Variants in RPS6KA2 observed in about 807,000 individuals in gnomAD.
The protein encoded by RPS6KA2 is ribosomal protein S6 kinase A2, also known as ribosomal protein S6 kinase alpha-2.
Under a neutral mutation model 91.8 loss-of-function variants are expected in RPS6KA2, and 42 were observed. That is an observed-to-expected ratio of 0.46 (90% confidence interval 0.36 to 0.59). RPS6KA2 has a LOEUF of 0.59. Among genes scored for constraint, RPS6KA2 ranks in the 20% least tolerant of loss-of-function variants. The pLI, the probability that RPS6KA2 is intolerant of heterozygous loss-of-function variation, is 0.00. For synonymous variants in RPS6KA2, 414 were observed against 393.6 expected, an observed-to-expected ratio of 1.05 and a Z score of -0.61; for missense variants, 798 against 978.5, an observed-to-expected ratio of 0.82 and a Z score of 2.46.
intron 10 of RPS6KA2, among the ~76,000 whole-genome samples, chr6:166,480,501 AT>A (rs1562523874): frequency 5.1e-4 from 69 of 135,028 alleles, no homozygotes; most frequent in Middle Eastern, 3.7e-3. Context: ...ATATATATAT[AT>A]ATATATATAT....
chr6:166,845,818 A>G (rs1317780393), intron 2 of RPS6KA2, among the ~76,000 whole-genome samples: 2 of 152,152 alleles, frequency 1.3e-5, no homozygotes, highest in Non-Finnish European at 2.9e-5. Flanking sequence ...AGAAACAAGA[A>G]CAATCAAAAC....
intron 2 of RPS6KA2, among the ~76,000 whole-genome samples, chr6:166,731,456 T>A (rs1790515059): frequency 6.8e-6 from 1 of 146,490 alleles, no homozygotes; most frequent in African/African-American, 2.6e-5. Context: ...AGGAGGGGCG[T>A]GGTGGGGGCG....
intron 1 of RPS6KA2, among the ~76,000 whole-genome samples, chr6:166,558,731 G>A (rs942827846): frequency 6.6e-6 from 1 of 152,214 alleles, no homozygotes; most frequent in Non-Finnish European, 1.5e-5. Context: ...ACCGTGAGAA[G>A]TAGTGAGGGA....
At chr6:166,592,867 T>A (rs551374868) in intron 1 of RPS6KA2, among the ~76,000 whole-genome samples, 1 of 152,264 alleles carries the variant, frequency 6.6e-6, no homozygotes, top group East Asian at 1.9e-4. Context: ...TATGAATCAA[T>A]AACAAAAGGA....
At chr6:166,790,424 G>A (rs1216624750) in intron 2 of RPS6KA2, among the ~76,000 whole-genome samples, 9 of 152,180 alleles carry the variant, frequency 5.9e-5, no homozygotes, top group Non-Finnish European at 8.8e-5. Flanking sequence ...ATGGAACCAA[G>A]TTGGAAAACA....
chr6:166,524,936 G>T (rs1262261019), intron 3 of RPS6KA2, among the ~76,000 whole-genome samples: 1 of 152,154 alleles, frequency 6.6e-6, no homozygotes, highest in East Asian at 1.9e-4. Context: ...AGAGACACCG[G>T]CGGAGGTAGC....
At chr6:166,515,366 G>A (rs559264299) in intron 3 of RPS6KA2, among the ~76,000 whole-genome samples, 20 of 152,336 alleles carry the variant, frequency 1.3e-4, no homozygotes, top group Non-Finnish European at 2.4e-4. Context: ...TGTGGTGGGT[G>A]AGTGAAGTCA....
At chr6:166,465,349 C>T (rs1780478412) in intron 11 of RPS6KA2, 1 of 152,150 alleles carries the variant, frequency 6.6e-6, no homozygotes, top group Admixed American at 6.5e-5. Context: ...CATTTTAGCC[C>T]CTGCTTTCTG....
chr6:166,639,769 G>C lies in RPS6KA2; in HGVS notation c.124-100985C>G, dbSNP rs1257562712. ...CTCCTTCCAGCATCTTCCAGACCCA[G>C]CATTGCTCCAGGAAGCCACACCGAG... On this transcript the variant is annotated intron_variant, in intron 2 of 21. Transcript: ENST00000503859. This position sits in a 1 kb window ranked among gnomAD's most constrained non-coding sequence, Gnocchi z 4.2. Among the ~76,000 whole-genome samples, 6 of 151,884 alleles carry C rather than the reference G, an allele frequency of 4.0e-5. No individual in the cohort carries two copies. Among genetic ancestry groups the C allele is most frequent in the Admixed American group, 3.9e-4 (6 of 15,256 alleles).
At chr6:166,421,056 C>G (rs1172298802) in intron 17 of RPS6KA2, among the ~76,000 whole-genome samples, 1 of 152,176 alleles carries the variant, frequency 6.6e-6, no homozygotes, top group African/African-American at 2.4e-5. Flanking sequence ...TGGAGGGGAC[C>G]AGCCAGCGCA....
exon 1 of RPS6KA2, chr6:166,862,410 C>T (rs1470747429): frequency 1.5e-6 from 2 of 1,356,628 alleles, no homozygotes; most frequent in Non-Finnish European, 1.9e-6. Context: ...GGCGCCGTCC[C>T]CTCCCTGCCA....
chr6:166,494,715 G>A lies in RPS6KA2; in HGVS notation c.747+3793C>T, dbSNP rs576460854. Reference sequence around the variant, plus strand: ...CAGGGACACTGACTTCCTGCCCCTGGCACAGGCATCCTTCCTTCCAGGTCT... The same window carrying A: ...CAGGGACACTGACTTCCTGCCCCTGACACAGGCATCCTTCCTTCCAGGTCT... On this transcript the variant is annotated intron_variant, in intron 8 of 20. Coordinates refer to ENST00000265678, the MANE Select transcript of RPS6KA2 (RefSeq NM_021135.6). The surrounding 1 kb of genome is among the most constrained non-coding windows in gnomAD (Gnocchi z 5.1). Among the ~76,000 whole-genome samples the A allele has an allele frequency of 6.6e-6, 1 of 152,284 alleles. No individual in the cohort carries two copies. The highest frequency in any genetic ancestry group is 2.4e-5 in the African/African-American group (1 of 41,554).
intron 10 of RPS6KA2, among the ~76,000 whole-genome samples, chr6:166,485,687 C>T (rs983470257): frequency 4.6e-5 from 7 of 152,166 alleles, no homozygotes; most frequent in African/African-American, 9.7e-5. Flanking sequence ...TAAGAAACAC[C>T]GCCTCCCCCA....
intron 1 of RPS6KA2, among the ~76,000 whole-genome samples, chr6:166,579,907 T>A (rs994345027): frequency 3.3e-5 from 5 of 152,234 alleles, no homozygotes; most frequent in African/African-American, 7.2e-5. Flanking sequence ...CTAAATAATC[T>A]GAGGATAGTT....
chr6:166,774,843 C>T (rs894049387), intron 2 of RPS6KA2, among the ~76,000 whole-genome samples: 1 of 149,566 alleles, frequency 6.7e-6, no homozygotes, highest in Non-Finnish European at 1.5e-5. Flanking sequence ...TTTGAGAACG[C>T]TGGCATGTGT....
chr6:166,773,729 G>A (rs1420568128), intron 2 of RPS6KA2, among the ~76,000 whole-genome samples: 9 of 152,138 alleles, frequency 5.9e-5, no homozygotes, highest in Non-Finnish European at 1.2e-4. Context: ...TTCCTCGTCT[G>A]TCCATCCTGT....
rs185186719 is a variant in RPS6KA2 at position 166,587,096 on chromosome 6, T to G, written c.99+39825A>C. On this transcript the variant is annotated intron_variant, in intron 1 of 20. Transcript: ENST00000265678. ...GAAGCCTGGGTCCCCCAAATCCCCATGTGGAAGCAAAGTGGCCAGTCATCA... is the reference window on the plus strand; with the variant it reads ...GAAGCCTGGGTCCCCCAAATCCCCAGGTGGAAGCAAAGTGGCCAGTCATCA... 2.0e-5 allele frequency among the ~76,000 whole-genome samples: 3 copies of G among 152,316 alleles called. No homozygotes were observed. In the East Asian group the frequency reaches 5.8e-4, roughly 29 times the overall value.
intron 2 of RPS6KA2, among the ~76,000 whole-genome samples, chr6:166,669,711 G>A (rs986609206): frequency 6.6e-6 from 1 of 152,158 alleles, no homozygotes; most frequent in African/African-American, 2.4e-5. Context: ...GACCCACCGC[G>A]TTTGCTCTTG....
intron 2 of RPS6KA2, among the ~76,000 whole-genome samples, chr6:166,633,315 T>C (rs1200545839): frequency 6.6e-6 from 1 of 152,198 alleles, no homozygotes; most frequent in Non-Finnish European, 1.5e-5. Context: ...GTGAGTTTCT[T>C]CTTCTACCTC....
Sources: allele counts gnomAD v4.1 joint callset (sites outside exome capture counted in the v4.1 genomes callset), GRCh38; gene constraint gnomAD v4.1.1; non-coding constraint Gnocchi (gnomAD v3.1); transcripts MANE v1.5; gene names NCBI Gene and HGNC (gene_info 2026-07-23, HGNC 2026-07-21).